GRID2: variants seen among roughly 807,000 people sequenced by gnomAD.
GRID2 encodes glutamate receptor ionotropic, delta-2.
GRID2 carries 33 observed loss-of-function variants against 114.8 expected under a neutral mutation model. The observed-to-expected ratio is 0.29, with a 90% CI of 0.22 to 0.38. The LOEUF (loss-of-function observed/expected upper bound fraction) is 0.38. Ranked by LOEUF, GRID2 falls within the 10% of genes least tolerant of loss-of-function variation. The pLI is 1.00. For missense variants in GRID2, 1,184 were observed against 1,257.7 expected, an observed-to-expected ratio of 0.94 and a Z score of 0.89; for synonymous variants, 505 against 449.9, an observed-to-expected ratio of 1.12 and a Z score of -1.55.
intron 7 of GRID2, among the ~76,000 whole-genome samples, chr4:93,235,196 A>G (rs7697616): frequency 0.18 from 28,049 of 151,978 alleles, 3,522 homozygotes; most frequent in African/African-American, 0.35. Context: ...TTTGATGTCC[A>G]CTGGTATTTC....
At chr4:92,593,107 A>G (rs189264179) in intron 2 of GRID2, among the ~76,000 whole-genome samples, 1 of 152,066 alleles carries the variant, frequency 6.6e-6, no homozygotes, top group Non-Finnish European at 1.5e-5. Context: ...GTGATTGCTT[A>G]TATATTAGCA....
At chr4:92,790,225 T>C (rs1739517448) in intron 2 of GRID2, among the ~76,000 whole-genome samples, 2 of 151,800 alleles carry the variant, frequency 1.3e-5, no homozygotes, top group Non-Finnish European at 2.9e-5. Context: ...TATATATTTT[T>C]TTACAAACCT....
chr4:92,807,782 C>A lies in GRID2; in HGVS notation c.244+217496C>A, dbSNP rs999911005. Among the ~76,000 whole-genome samples, 9 of 151,930 alleles carry A rather than the reference C, an allele frequency of 5.9e-5. 1 individual carries two copies. The highest frequency in any genetic ancestry group is 2.2e-4 in the African/African-American group (9 of 41,410). Reference sequence around the variant, plus strand: ...TCTCTTTTAGACATAGTTTTTCTAACTTCTACATTTACCCACATGTTTATG... The same window carrying A: ...TCTCTTTTAGACATAGTTTTTCTAAATTCTACATTTACCCACATGTTTATG... On this transcript the variant is annotated intron_variant, in intron 2 of 15. Coordinates refer to ENST00000282020, the MANE Select transcript of GRID2 (RefSeq NM_001510.4).
chr4:92,789,533 ACTCT>A (rs898213854), intron 2 of GRID2, among the ~76,000 whole-genome samples: 6 of 151,002 alleles, frequency 4.0e-5, no homozygotes, highest in African/African-American at 1.5e-4. Context: ...CTTCCAATTA[ACTCT>A]CTCCTCTTTC....
intron 1 of GRID2, among the ~76,000 whole-genome samples, chr4:92,568,290 T>C (rs1727433743): frequency 6.6e-6 from 1 of 151,972 alleles, no homozygotes; most frequent in South Asian, 2.1e-4. Flanking sequence ...TAACAAAGTG[T>C]CTGATTATAG....
rs145736644 is a variant in GRID2, at chr4:93,700,469, G to A, written c.2361-68741G>A. On this transcript the variant is annotated intron_variant, in intron 14 of 15. Coordinates refer to ENST00000282020, the MANE Select transcript of GRID2 (RefSeq NM_001510.4). ...AAGAGAGATAGCTATTATAATTTGTGAATGATGCAGCTAGAGTTGCAAAGA... is the reference window on the plus strand; with the variant it reads ...AAGAGAGATAGCTATTATAATTTGTAAATGATGCAGCTAGAGTTGCAAAGA... Among the ~76,000 whole-genome samples the A allele has an allele frequency of 5.6e-3, 850 of 152,214 alleles. 4 individuals carry two copies. Among genetic ancestry groups the A allele is most frequent in the Non-Finnish European group, 9.2e-3 (623 of 67,996 alleles).
intron 4 of GRID2, among the ~76,000 whole-genome samples, chr4:93,171,569 A>G (rs778454237): frequency 1.3e-5 from 2 of 152,168 alleles, no homozygotes; most frequent in African/African-American, 2.4e-5. Flanking sequence ...ATTTTTGTCA[A>G]TTGTGTCCTA....
intron 3 of GRID2, among the ~76,000 whole-genome samples, chr4:93,107,725 C>G (rs1732383535): frequency 6.6e-6 from 1 of 151,882 alleles, no homozygotes; most frequent in Non-Finnish European, 1.5e-5. Context: ...AACTCCTGGC[C>G]TCAAGTAATT....
At chr4:92,665,288 C>CAAA (rs34581647) in intron 2 of GRID2, among the ~76,000 whole-genome samples, 7 of 134,490 alleles carry the variant, frequency 5.2e-5, no homozygotes, top group Non-Finnish European at 6.5e-5. Flanking sequence ...ACTTCAATAA[C>CAAA]AAAAAAAAAA....
intron 2 of GRID2, among the ~76,000 whole-genome samples, chr4:92,827,545 T>C (rs1018719961): frequency 1.3e-5 from 2 of 152,020 alleles, no homozygotes; most frequent in African/African-American, 4.8e-5. Context: ...TTCACACTAC[T>C]GGGTTTTGTT....
intron 2 of GRID2, among the ~76,000 whole-genome samples, chr4:92,761,063 C>G (rs567644562): frequency 1.7e-4 from 26 of 152,136 alleles, no homozygotes; most frequent in African/African-American, 6.0e-4. Context: ...CCTATTTTAA[C>G]TACATTGTAT....
At chr4:92,751,799 C>CA (rs1403938620) in intron 2 of GRID2, among the ~76,000 whole-genome samples, 6 of 152,054 alleles carry the variant, frequency 3.9e-5, no homozygotes, top group African/African-American at 1.2e-4. Context: ...AGCTAGTTGG[C>CA]AAAAAATATG....
At chr4:93,708,289 G>C (rs1214603867) in intron 14 of GRID2, among the ~76,000 whole-genome samples, 2 of 151,118 alleles carry the variant, frequency 1.3e-5, no homozygotes, top group South Asian at 2.1e-4. Context: ...TGCTGTAAGT[G>C]GGCTGTTGAA....
At chr4:92,911,736 A>C (rs1748396127) in intron 2 of GRID2, among the ~76,000 whole-genome samples, 1 of 151,898 alleles carries the variant, frequency 6.6e-6, no homozygotes, top group South Asian at 2.1e-4. Context: ...AACCTTAAGC[A>C]ATAAATAGAG....
intron 4 of GRID2, among the ~76,000 whole-genome samples, chr4:93,156,954 T>C (rs62308254): frequency 0.074 from 11,198 of 151,744 alleles, 488 homozygotes; most frequent in East Asian, 0.22. Flanking sequence ...GAATAGAAAC[T>C]CAAGTGGACA....
chr4:92,949,908 G>C (rs556341336), intron 2 of GRID2, among the ~76,000 whole-genome samples: 1 of 152,126 alleles, frequency 6.6e-6, no homozygotes, highest in East Asian at 1.9e-4. Context: ...TAAACAAACT[G>C]ATGCTGAACC....
intron 11 of GRID2, among the ~76,000 whole-genome samples, chr4:93,473,500 G>A (rs966427917): frequency 5.3e-5 from 8 of 152,056 alleles, no homozygotes; most frequent in African/African-American, 1.9e-4. Context: ...AGAAGCTTAA[G>A]TACATTCAAA....
intron 2 of GRID2, among the ~76,000 whole-genome samples, chr4:92,932,956 G>T (rs1025896296): frequency 3.3e-5 from 5 of 151,022 alleles, no homozygotes; most frequent in Non-Finnish European, 7.4e-5. Context: ...AGGAGTGTAT[G>T]GGAAATTTGG....
intron 1 of GRID2, among the ~76,000 whole-genome samples, chr4:92,475,399 C>G (rs1409409901): frequency 6.6e-6 from 1 of 151,178 alleles, no homozygotes; most frequent in African/African-American, 2.4e-5. Flanking sequence ...GGGTTTCCAG[C>G]TTTCCTAGAA....
Sources: gnomAD v4.1 joint callset for allele counts (sites outside exome capture counted in the v4.1 genomes callset) on GRCh38, gnomAD v4.1.1 for gene constraint, MANE v1.5 for transcripts, NCBI Gene and HGNC (gene_info 2026-07-23, HGNC 2026-07-21) for gene names.